LHFPL4: variants seen among roughly 807,000 people sequenced by gnomAD.
LHFPL4 encodes LHFPL tetraspan subfamily member 4.
Under a neutral mutation model 20.0 loss-of-function variants are expected in LHFPL4, and 6 were observed. That is an observed-to-expected ratio of 0.30 (90% CI 0.16 to 0.59). LHFPL4 has a LOEUF of 0.59. Ranked by LOEUF, LHFPL4 falls within the 20% of genes least tolerant of loss-of-function variation. LHFPL4 has a pLI of 0.88. For synonymous variants in LHFPL4, 129 were observed against 143.8 expected (o/e 0.90, Z 0.74); for missense variants, 215 against 331.2 (o/e 0.65, Z 2.72).
At position 9,502,201 on chromosome 3, in the gene LHFPL4, T is replaced by C; in HGVS notation, c.*10A>G. 1 of 1,605,636 alleles carries C rather than the reference T, an allele frequency of 6.2e-7. No individual in the cohort carries two copies. Among genetic ancestry groups the C allele is most frequent in the Non-Finnish European group, 8.5e-7 (1 of 1,172,400 alleles). On this transcript the variant is annotated 3_prime_UTR_variant, in exon 4 of 4. Coordinates refer to ENST00000287585, the MANE Select transcript of LHFPL4 (RefSeq NM_198560.3). Reference sequence around the variant, plus strand: ...GGTCAGGCCAATTACTGGGCTGTGATCCTGGCCTTTCAGGGTCCCTGTGAG... The same window carrying C: ...GGTCAGGCCAATTACTGGGCTGTGACCCTGGCCTTTCAGGGTCCCTGTGAG...
chr3:9,510,773 A>C (rs145987757), intron 2 of LHFPL4, among the ~76,000 whole-genome samples: 5,421 of 151,856 alleles, frequency 0.036, 147 homozygotes, highest in Non-Finnish European at 0.056. Flanking sequence ...CCCCATCTCT[A>C]CTAAAAATAC....
chr3:9,537,819 C>A (rs2046452642), intron 2 of LHFPL4, among the ~76,000 whole-genome samples: 1 of 152,094 alleles, frequency 6.6e-6, no homozygotes, highest in Non-Finnish European at 1.5e-5. Context: ...TCTCCTTGGG[C>A]AATTTCATCT....
At chr3:9,538,982 G>A (rs1446431749) in intron 2 of LHFPL4, among the ~76,000 whole-genome samples, 1 of 151,994 alleles carries the variant, frequency 6.6e-6, no homozygotes, top group Non-Finnish European at 1.5e-5. Context: ...TTATAGATGT[G>A]AGCCACCACA....
chr3:9,534,688 G>A (rs749702055), intron 2 of LHFPL4, among the ~76,000 whole-genome samples: 4 of 152,132 alleles, frequency 2.6e-5, no homozygotes, highest in Non-Finnish European at 4.4e-5. Context: ...GGGTTTGACT[G>A]CTAGTAAATG....
chr3:9,547,727 C>T (rs1344313029), intron 2 of LHFPL4, among the ~76,000 whole-genome samples: 3 of 152,232 alleles, frequency 2.0e-5, no homozygotes, highest in Admixed American at 2.0e-4. Flanking sequence ...CTGGCAAAAA[C>T]ATGCTGTTGC....
intron 2 of LHFPL4, among the ~76,000 whole-genome samples, chr3:9,507,246 G>A (rs144208380): frequency 1.1e-3 from 165 of 152,366 alleles, no homozygotes; most frequent in African/African-American, 3.7e-3. Context: ...GGCCTGCGGG[G>A]TGGGGAGACT....
At chr3:9,504,143 G>C (rs1290049610) in intron 3 of LHFPL4, among the ~76,000 whole-genome samples, 1 of 152,206 alleles carries the variant, frequency 6.6e-6, no homozygotes, top group Non-Finnish European at 1.5e-5. Context: ...AGCTGAGGCA[G>C]GCAGATCACT....
chr3:9,511,244 G>A (rs1395379411), intron 2 of LHFPL4, among the ~76,000 whole-genome samples: 4 of 150,786 alleles, frequency 2.7e-5, no homozygotes, highest in African/African-American at 7.3e-5. Flanking sequence ...CCAGCTACTC[G>A]GGAGGCTGAG....
intron 2 of LHFPL4, among the ~76,000 whole-genome samples, chr3:9,527,412 A>T (rs1057405406): frequency 1.3e-4 from 20 of 152,084 alleles, no homozygotes; most frequent in African/African-American, 4.3e-4. Context: ...CTACTAAAAA[A>T]AATAATAATA....
At chr3:9,517,799 T>C (rs2046313238) in intron 2 of LHFPL4, among the ~76,000 whole-genome samples, 1 of 102,130 alleles carries the variant, frequency 9.8e-6, no homozygotes, top group Non-Finnish European at 2.2e-5. Flanking sequence ...TTGGGTTTTT[T>C]TGTTTTTTGT....
At chr3:9,514,409 C>T (rs2046284225) in intron 2 of LHFPL4, among the ~76,000 whole-genome samples, 2 of 152,110 alleles carry the variant, frequency 1.3e-5, no homozygotes, top group Non-Finnish European at 2.9e-5. Context: ...GATTTCCCAT[C>T]CACTCCCTGA....
At chr3:9,505,460 GT>G (rs1430792597) in intron 3 of LHFPL4, among the ~76,000 whole-genome samples, 1 of 150,158 alleles carries the variant, frequency 6.7e-6, no homozygotes, top group Non-Finnish European at 1.5e-5. Context: ...TTGTTTTTTT[GT>G]TTTTTTGTTT....
At chr3:9,544,757 G>C (rs1486752424) in intron 2 of LHFPL4, among the ~76,000 whole-genome samples, 1 of 152,106 alleles carries the variant, frequency 6.6e-6, no homozygotes, top group Non-Finnish European at 1.5e-5. Context: ...GTTGCTTAGA[G>C]TCCCCAGATA....
intron 2 of LHFPL4, among the ~76,000 whole-genome samples, chr3:9,542,716 A>T (rs2542342): frequency 6.6e-6 from 1 of 151,336 alleles, no homozygotes; most frequent in Non-Finnish European, 1.5e-5. Context: ...GGCTGAGATG[A>T]AAGGATCGCT....
chr3:9,538,702 CTTTT>C (rs35357177), intron 2 of LHFPL4, among the ~76,000 whole-genome samples: 1 of 140,104 alleles, frequency 7.1e-6, no homozygotes, highest in Non-Finnish European at 1.6e-5. Context: ...GGTTTTCTTT[CTTTT>C]TTTTTTTTTT....
rs1364132334 is a variant in LHFPL4 at position 9,517,279 on chromosome 3, T to A, written c.407-11076A>T. On this transcript the variant is annotated intron_variant, in intron 2 of 3. Coordinates refer to ENST00000287585, the MANE Select transcript of LHFPL4 (RefSeq NM_198560.3). ...GGATTGTGATTGAGATTGCATTGAA[T>A]CTAAAGATCATGTTGGCAAGAACAA... Among the ~76,000 whole-genome samples, 5 of 152,118 alleles carry A rather than the reference T, an allele frequency of 3.3e-5. No individual in the cohort carries two copies. In the East Asian group the frequency reaches 9.6e-4, roughly 29 times the overall value.
intron 2 of LHFPL4, among the ~76,000 whole-genome samples, chr3:9,542,090 A>C (rs2125666415): frequency 6.6e-6 from 1 of 152,210 alleles, no homozygotes; most frequent in Admixed American, 6.5e-5. Context: ...GATCGAGACC[A>C]GCCTGGCCAA....
chr3:9,509,033 G>A (rs1449069174), intron 2 of LHFPL4, among the ~76,000 whole-genome samples: 3 of 152,194 alleles, frequency 2.0e-5, no homozygotes, highest in Non-Finnish European at 4.4e-5. Context: ...CCGTCTCCGT[G>A]GAAACCGGGC....
intron 2 of LHFPL4, among the ~76,000 whole-genome samples, chr3:9,517,594 G>A (rs1235309004): frequency 6.6e-6 from 1 of 150,698 alleles, no homozygotes; most frequent in Admixed American, 6.6e-5. Flanking sequence ...TACTCAGGGG[G>A]CTAAGGTGGG....
Sources: allele counts gnomAD v4.1 joint callset (sites outside exome capture counted in the v4.1 genomes callset), GRCh38; gene constraint gnomAD v4.1.1; transcripts MANE v1.5; gene names NCBI Gene and HGNC (gene_info 2026-07-23, HGNC 2026-07-21).